The following ODAD2 variants were observed in gnomAD, a reference collection of about 807,000 sequenced individuals.
The protein encoded by ODAD2 is outer dynein arm-docking complex subunit 2.
ODAD2 carries 89 observed loss-of-function variants against 106.8 expected under a neutral mutation model. That is an observed-to-expected ratio of 0.83 (90% CI 0.70 to 0.99). The LOEUF is 0.99. Among genes scored for constraint, ODAD2 ranks in the 50% least tolerant of loss-of-function variants. The pLI is 0.00. For missense variants in ODAD2, 1,168 were observed against 1,238.5 expected (o/e 0.94, Z 0.85); for synonymous variants, 404 against 436.2 (o/e 0.93, Z 0.92).
intron 19 of ODAD2, among the ~76,000 whole-genome samples, chr10:27,835,311 G>A (rs1837787997): frequency 6.6e-6 from 1 of 152,206 alleles, no homozygotes; most frequent in Admixed American, 6.5e-5. Context: ...CAATGTACAG[G>A]AACGGGACTT....
At chr10:27,941,172 T>C (rs1846391962) in intron 12 of ODAD2, among the ~76,000 whole-genome samples, 3 of 152,112 alleles carry the variant, frequency 2.0e-5, no homozygotes, top group African/African-American at 7.2e-5. Context: ...GAGAACTGAA[T>C]GGACTATACA....
chr10:27,924,614 G>GAAAAAAAAAAAAA (rs60226782), intron 16 of ODAD2, among the ~76,000 whole-genome samples: 6 of 12,646 alleles, frequency 4.7e-4, no homozygotes, highest in African/African-American at 8.6e-4. Context: ...TGATTAGGAG[G>GAAAAAAAAAAAAA]AAAAAAAAAA....
At chr10:27,867,348 T>A (rs1354457790) in intron 17 of ODAD2, among the ~76,000 whole-genome samples, 1 of 152,162 alleles carries the variant, frequency 6.6e-6, no homozygotes, top group African/African-American at 2.4e-5. Flanking sequence ...AGTCTGATGG[T>A]GCTGGGGTGT....
chr10:27,955,586 T>C (rs1215271063), intron 10 of ODAD2, among the ~76,000 whole-genome samples: 1 of 152,020 alleles, frequency 6.6e-6, no homozygotes, highest in African/African-American at 2.4e-5. Context: ...ACTCAAGTAA[T>C]GGGAAAGGAA....
intron 17 of ODAD2, among the ~76,000 whole-genome samples, chr10:27,876,040 A>G (rs570475363): frequency 3.3e-5 from 5 of 152,322 alleles, no homozygotes; most frequent in African/African-American, 1.2e-4. Flanking sequence ...GTAAACAAAG[A>G]GGCCAGGAAG....
At chr10:27,981,364 A>C (rs1033953868) in intron 7 of ODAD2, 102 bp downstream of exon 7, 2 of 1,128,568 alleles carry the variant, frequency 1.8e-6, no homozygotes, top group Non-Finnish European at 2.4e-6. Flanking sequence ...AATAATAAAA[A>C]GTGCCCAAAA....
chr10:27,941,309 T>C (rs1484822534), intron 12 of ODAD2, among the ~76,000 whole-genome samples: 1 of 137,826 alleles, frequency 7.3e-6, no homozygotes, highest in Non-Finnish European at 1.6e-5. Context: ...CATAGCAAGA[T>C]CCTGTTTCCA....
chr10:27,928,419 T>C (rs968906680), intron 16 of ODAD2, among the ~76,000 whole-genome samples: 1 of 152,152 alleles, frequency 6.6e-6, no homozygotes, highest in Non-Finnish European at 1.5e-5. Context: ...CTCTCACCTA[T>C]GATGATCCCC....
intron 19 of ODAD2, among the ~76,000 whole-genome samples, chr10:27,822,945 C>T (rs1836726861): frequency 6.6e-6 from 1 of 152,160 alleles, no homozygotes. Flanking sequence ...AATGCCCAAA[C>T]AGACAGACAG....
At chr10:27,938,265 T>G (rs920920194) in intron 14 of ODAD2, among the ~76,000 whole-genome samples, 1 of 151,902 alleles carries the variant, frequency 6.6e-6, no homozygotes, top group Non-Finnish European at 1.5e-5. Flanking sequence ...GGAGACAGAG[T>G]TTTTAAAGAG....
chr10:27,870,712 A>C (rs912629618), intron 17 of ODAD2, among the ~76,000 whole-genome samples: 1 of 152,162 alleles, frequency 6.6e-6, no homozygotes, highest in African/African-American at 2.4e-5. Flanking sequence ...GCATAGTATT[A>C]CATGATGTAT....
intron 2 of ODAD2, among the ~76,000 whole-genome samples, chr10:27,993,970 ATATATGTGTGTGTG>A: frequency 9.2e-6 from 1 of 108,530 alleles, no homozygotes; most frequent in East Asian, 2.7e-4. Flanking sequence ...ATATATATAT[ATATATGTGTGTGTG>A]TGTGTGTGTG....
intron 7 of ODAD2, among the ~76,000 whole-genome samples, chr10:27,976,472 T>C (rs759359035): frequency 6.6e-6 from 1 of 152,000 alleles, no homozygotes; most frequent in Non-Finnish European, 1.5e-5. Flanking sequence ...AACAAATGAC[T>C]AAAAATAGAA....
At chr10:27,980,964 C>A (rs1409322183) in intron 7 of ODAD2, among the ~76,000 whole-genome samples, 1 of 152,070 alleles carries the variant, frequency 6.6e-6, no homozygotes, top group Non-Finnish European at 1.5e-5. Flanking sequence ...CAAATGTGGT[C>A]TATACATAAA....
chr10:27,895,264 G>A (rs1174089076), intron 17 of ODAD2, among the ~76,000 whole-genome samples: 22 of 152,114 alleles, frequency 1.4e-4, no homozygotes, highest in African/African-American at 5.1e-4. Context: ...GCACCAAAAC[G>A]ATAGCCGCTA....
intron 16 of ODAD2, among the ~76,000 whole-genome samples, chr10:27,913,706 C>T (rs556817521): frequency 1.6e-4 from 24 of 152,264 alleles, no homozygotes; most frequent in Middle Eastern, 3.4e-3. Flanking sequence ...AGAAGACATA[C>T]ACGTGGCCAG....
At chr10:27,857,664 T>C (rs760191231) in intron 19 of ODAD2, among the ~76,000 whole-genome samples, 8 of 152,238 alleles carry the variant, frequency 5.3e-5, no homozygotes, top group African/African-American at 1.7e-4. Context: ...GAACTCATTA[T>C]ATTTCAGACC....
At chr10:27,983,633 C>G (rs1464681738) in intron 6 of ODAD2, among the ~76,000 whole-genome samples, 2 of 152,168 alleles carry the variant, frequency 1.3e-5, no homozygotes, top group African/African-American at 2.4e-5. Context: ...CATTTCTTAT[C>G]AGATTGGCTT....
Position 27,824,116 on chromosome 10 carries a change from G to A in ODAD2, c.3022-11491C>T, listed in dbSNP as rs1486299812. On this transcript the variant is annotated intron_variant, in intron 19 of 19. Coordinates refer to ENST00000305242, the MANE Select transcript of ODAD2 (RefSeq NM_018076.5). Reference sequence around the variant, plus strand: ...AGATTGCGCCACTGCACTCCAGCCTGGGCGACAGCGAGACTCCGTCTCAAA... The same window carrying A: ...AGATTGCGCCACTGCACTCCAGCCTAGGCGACAGCGAGACTCCGTCTCAAA... Among the ~76,000 whole-genome samples, 3 of 104,318 alleles carry A rather than the reference G, an allele frequency of 2.9e-5. 1 individual carries two copies. Among genetic ancestry groups the A allele is most frequent in the African/African-American group, 5.9e-5 (1 of 16,916 alleles). The allele number at this position is 104,318 out of a possible 152,430, so 68.4% of individuals were successfully genotyped here.
Sources: gnomAD v4.1 joint callset for allele counts (sites outside exome capture counted in the v4.1 genomes callset) on GRCh38, gnomAD v4.1.1 for gene constraint, MANE v1.5 for transcripts, NCBI Gene and HGNC (gene_info 2026-07-23, HGNC 2026-07-21) for gene names.